Variants in MAML2 observed in about 807,000 individuals in gnomAD.
MAML2 encodes the protein mastermind-like protein 2.
A neutral mutation model predicts 96.1 loss-of-function variants in MAML2; 22 were observed. The ratio of observed to expected loss-of-function variants is 0.23; its 90% CI spans 0.16 to 0.33. MAML2 has a LOEUF of 0.33. MAML2 is among the 10% of genes least tolerant of loss of function. MAML2 has a pLI of 1.00. For missense variants in MAML2, 1,367 were observed against 1,392.4 expected, an observed-to-expected ratio of 0.98 and a Z score of 0.29; for synonymous variants, 561 against 521.3, an observed-to-expected ratio of 1.08 and a Z score of -1.04.
chr11:96,188,543 G>T (rs1049823211), intron 1 of MAML2, among the ~76,000 whole-genome samples: 1 of 152,170 alleles, frequency 6.6e-6, no homozygotes, highest in African/African-American at 2.4e-5. Flanking sequence ...ATTATGGCAA[G>T]TACAACAGGC....
intron 2 of MAML2, among the ~76,000 whole-genome samples, chr11:96,020,647 A>G (rs967713396): frequency 6.6e-6 from 1 of 152,208 alleles, no homozygotes. Flanking sequence ...AGGTGACTGA[A>G]GCTTCATGGA....
At chr11:96,202,177 C>CAAAAAAAAA (rs35124521) in intron 1 of MAML2, among the ~76,000 whole-genome samples, 251 of 75,724 alleles carry the variant, frequency 3.3e-3, no homozygotes, top group East Asian at 5.6e-3. Context: ...ACTAAAAATA[C>CAAAAAAAAA]AAAAAAAAAA....
chr11:96,276,792 C>T (rs1187593072), intron 1 of MAML2, among the ~76,000 whole-genome samples: 4 of 147,780 alleles, frequency 2.7e-5, no homozygotes, highest in Admixed American at 2.7e-4. Context: ...CTCCCATTTC[C>T]TCCTCTCCAT....
intron 1 of MAML2, among the ~76,000 whole-genome samples, chr11:96,220,484 T>C (rs746307987): frequency 3.3e-5 from 5 of 152,184 alleles, no homozygotes; most frequent in Non-Finnish European, 7.4e-5. Context: ...TATTTTTTTC[T>C]AAGTCATCAG....
rs1020834048 is a variant in MAML2 at position 95,978,164 on chromosome 11, C to T, written c.*784G>A. 1.9e-5 allele frequency: 4 copies of T among 212,094 alleles called. No homozygotes were observed. Among genetic ancestry groups the T allele is most frequent in the African/African-American group, 9.1e-5 (4 of 44,148 alleles). 13.1% of individuals were successfully genotyped at this position (212,094 alleles called of 1,614,324 possible). ...TTTTTTAAAAAAGTGAAATCTAATG[C>T]AGAGAGGTGTGCACCAATATTTCAG... On this transcript the variant is annotated 3_prime_UTR_variant, in exon 5 of 5. Coordinates refer to ENST00000524717, the MANE Select transcript of MAML2 (RefSeq NM_032427.4).
chr11:96,322,862 T>C (rs1400615846), intron 1 of MAML2, among the ~76,000 whole-genome samples: 3 of 152,126 alleles, frequency 2.0e-5, no homozygotes, highest in African/African-American at 7.2e-5. Context: ...TGTCCTAGAG[T>C]TAGCTGTTGT....
chr11:96,153,377 C>T (rs982666597), intron 1 of MAML2, among the ~76,000 whole-genome samples: 1 of 152,166 alleles, frequency 6.6e-6, no homozygotes, highest in African/African-American at 2.4e-5. Context: ...TACCCTGCCT[C>T]TTCCTAACTG....
intron 1 of MAML2, among the ~76,000 whole-genome samples, chr11:96,299,056 A>AAAAT (rs1739402803): frequency 2.0e-5 from 1 of 49,714 alleles, no homozygotes; most frequent in African/African-American, 1.1e-4. Context: ...AAAAAAAAAA[A>AAAAT]AAAAATATAT....
At chr11:96,094,000 C>T (rs1277559638) in intron 1 of MAML2, among the ~76,000 whole-genome samples, 1 of 148,588 alleles carries the variant, frequency 6.7e-6, no homozygotes, top group Non-Finnish European at 1.5e-5. Flanking sequence ...TTTTTTTTTT[C>T]ACAGACCCAA....
At chr11:96,309,616 G>A (rs1484722127) in intron 1 of MAML2, among the ~76,000 whole-genome samples, 1 of 151,904 alleles carries the variant, frequency 6.6e-6, no homozygotes, top group Non-Finnish European at 1.5e-5. Flanking sequence ...CCCTCAATTT[G>A]CTCAGTTAAT....
chr11:96,031,911 G>A (rs1011850967), intron 2 of MAML2, among the ~76,000 whole-genome samples: 6 of 152,050 alleles, frequency 3.9e-5, no homozygotes, highest in East Asian at 1.9e-4. Flanking sequence ...GCGTGAACCC[G>A]GGAGGCAGAG....
At chr11:96,188,696 T>G (rs1222502113) in intron 1 of MAML2, among the ~76,000 whole-genome samples, 1 of 152,014 alleles carries the variant, frequency 6.6e-6, no homozygotes, top group Non-Finnish European at 1.5e-5. Context: ...TAGTTTGAGC[T>G]GCTGTAAGAT....
chr11:96,156,012 G>A (rs1861005881), intron 1 of MAML2, among the ~76,000 whole-genome samples: 1 of 152,284 alleles, frequency 6.6e-6, no homozygotes, highest in Middle Eastern at 3.4e-3. Context: ...GAGGAAAAGT[G>A]TTGTGCTGAC....
chr11:96,223,210 C>T (rs569335497), intron 1 of MAML2, among the ~76,000 whole-genome samples: 1 of 152,140 alleles, frequency 6.6e-6, no homozygotes, highest in African/African-American at 2.4e-5. Context: ...ATAAATTTTA[C>T]AGATTAAGTA....
intron 2 of MAML2, among the ~76,000 whole-genome samples, chr11:96,073,981 T>G (rs955177770): frequency 6.6e-5 from 10 of 152,234 alleles, no homozygotes; most frequent in African/African-American, 2.4e-4. Flanking sequence ...TTTATTCACT[T>G]TTCAAGGACC....
chr11:96,083,660 G>T (rs11603090), intron 2 of MAML2, among the ~76,000 whole-genome samples: 1 of 152,152 alleles, frequency 6.6e-6, no homozygotes, highest in Non-Finnish European at 1.5e-5. Context: ...TAAAGCCCCA[G>T]AACAGAAGAA....
chr11:96,159,537 C>T (rs530087124), intron 1 of MAML2, among the ~76,000 whole-genome samples: 19 of 151,482 alleles, frequency 1.3e-4, no homozygotes, highest in Admixed American at 2.6e-4. Context: ...GCCACTCTCC[C>T]GCCTCAGCCT....
intron 1 of MAML2, among the ~76,000 whole-genome samples, chr11:96,208,578 T>G (rs1226192363): frequency 6.6e-6 from 1 of 152,232 alleles, no homozygotes; most frequent in Admixed American, 6.5e-5. Flanking sequence ...GGGCTAACCC[T>G]GGATGATATA....
chr11:96,075,495 C>A (rs1859420305), intron 2 of MAML2, among the ~76,000 whole-genome samples: 1 of 152,066 alleles, frequency 6.6e-6, no homozygotes, highest in African/African-American at 2.4e-5. Flanking sequence ...ATTTTCATAC[C>A]CTCCAAGACC....
Sources: allele counts gnomAD v4.1 joint callset (sites outside exome capture counted in the v4.1 genomes callset), GRCh38; gene constraint gnomAD v4.1.1; transcripts MANE v1.5; gene names NCBI Gene and HGNC (gene_info 2026-07-23, HGNC 2026-07-21).